Variants in KCNH8 observed in about 807,000 individuals in gnomAD.
The protein encoded by KCNH8 is potassium voltage-gated channel subfamily H member 8.
KCNH8 carries 70 observed loss-of-function variants against 103.6 expected under a neutral mutation model. That is an observed-to-expected ratio of 0.68 (90% CI 0.56 to 0.82). The LOEUF (loss-of-function observed/expected upper bound fraction) is 0.82, where lower values mean the gene tolerates loss of function less well. Ranked by LOEUF, KCNH8 falls within the 40% of genes least tolerant of loss-of-function variation. The probability of loss-of-function intolerance (pLI) is 0.00; values close to 1 mark genes in which losing one functional copy is unlikely to be tolerated. For missense variants in KCNH8, 1,217 were observed against 1,329.9 expected (o/e 0.92, Z 1.32); for synonymous variants, 498 against 489.4 (o/e 1.02, Z -0.23).
chr3:19,156,413 G>A (rs889977496), intron 1 of KCNH8, among the ~76,000 whole-genome samples: 16 of 152,148 alleles, frequency 1.1e-4, no homozygotes, highest in African/African-American at 3.9e-4. Context: ...ATCGTTTCTA[G>A]TTTCTAGCTC....
rs547292546 is a variant in KCNH8 at position 19,218,648 on chromosome 3, T to C, written c.77-35006T>C. On this transcript the variant is annotated intron_variant, in intron 1 of 15. Coordinates refer to ENST00000328405, the MANE Select transcript of KCNH8 (RefSeq NM_144633.3). ...TACTTTGCTATGGCTGCTGGAACAATGTACCACAAACTTAAATGGTTTAAA... is the reference window on the plus strand; with the variant it reads ...TACTTTGCTATGGCTGCTGGAACAACGTACCACAAACTTAAATGGTTTAAA... Among the ~76,000 whole-genome samples, 6 of 152,342 alleles carry C rather than the reference T, an allele frequency of 3.9e-5. No individual in the cohort carries two copies. The South Asian group carries it at 1.2e-3, about 32-fold the overall frequency.
At chr3:19,217,897 C>T (rs558641129) in intron 1 of KCNH8, among the ~76,000 whole-genome samples, 34 of 152,254 alleles carry the variant, frequency 2.2e-4, no homozygotes, top group African/African-American at 7.5e-4. Flanking sequence ...CTGTAAATTT[C>T]CCTTTTGCAT....
intron 3 of KCNH8, among the ~76,000 whole-genome samples, chr3:19,293,685 C>A (rs1312006770): frequency 6.6e-6 from 1 of 152,206 alleles, no homozygotes; most frequent in Non-Finnish European, 1.5e-5. Context: ...GCATGTATGC[C>A]TATCTGAAAC....
intron 7 of KCNH8, among the ~76,000 whole-genome samples, chr3:19,435,306 C>T (rs912021088): frequency 2.0e-5 from 3 of 152,254 alleles, no homozygotes; most frequent in African/African-American, 7.2e-5. Flanking sequence ...GAACAAGTTA[C>T]TTAATGTCCC....
chr3:19,295,180 G>A (rs992615240), intron 3 of KCNH8, among the ~76,000 whole-genome samples: 1 of 151,910 alleles, frequency 6.6e-6, no homozygotes, highest in African/African-American at 2.4e-5. Context: ...TTGAGCCTAG[G>A]ATTAGCCTGG....
At chr3:19,149,075 G>T (rs2125176483) in intron 1 of KCNH8, among the ~76,000 whole-genome samples, 1 of 152,212 alleles carries the variant, frequency 6.6e-6, no homozygotes, top group Middle Eastern at 3.4e-3. Flanking sequence ...TGTGGGACCT[G>T]CATTTTGGTG....
chr3:19,492,830 C>CGTGT lies in KCNH8; in HGVS notation c.2041-17481_2041-17478dup, dbSNP rs67383228. On this transcript the variant is annotated intron_variant, in intron 11 of 15. Coordinates refer to ENST00000328405, the MANE Select transcript of KCNH8 (RefSeq NM_144633.3). ...AGTCCTTGAGCATGGAATGTTTTTT[C>CGTGT]GTGTGTGTGTGTGTGTGTGTGTGTG... Among the ~76,000 whole-genome samples, 114 of 123,508 alleles carry CGTGT rather than the reference C, an allele frequency of 9.2e-4. 1 individual carries two copies. The highest frequency in any genetic ancestry group is 2.1e-3 in the South Asian group (7 of 3,294). The allele number at this position is 123,508 out of a possible 152,430, so 81.0% of individuals were successfully genotyped here. A position where few individuals can be genotyped will look rare whatever the true frequency, so the allele number is the denominator to read the frequency against.
chr3:19,505,978 T>G (rs533810573), intron 11 of KCNH8, among the ~76,000 whole-genome samples: 1 of 152,326 alleles, frequency 6.6e-6, no homozygotes, highest in South Asian at 2.1e-4. Context: ...TGAGGTTGCA[T>G]TGTAAAATTC....
chr3:19,279,396 A>C (rs1210016439), intron 2 of KCNH8, among the ~76,000 whole-genome samples: 1 of 152,046 alleles, frequency 6.6e-6, no homozygotes, highest in Non-Finnish European at 1.5e-5. Context: ...TGTTACAATG[A>C]AGGGAACCAA....
intron 3 of KCNH8, among the ~76,000 whole-genome samples, chr3:19,316,480 T>C (rs145318891): frequency 1.7e-3 from 256 of 152,144 alleles, no homozygotes; most frequent in Non-Finnish European, 2.3e-3. Flanking sequence ...AATTGAATTT[T>C]GGTGTTGAAA....
At chr3:19,338,336 C>A (rs1427241313) in intron 3 of KCNH8, among the ~76,000 whole-genome samples, 2 of 151,994 alleles carry the variant, frequency 1.3e-5, no homozygotes, top group Admixed American at 1.3e-4. Context: ...ATCTTATTAA[C>A]AACTATTGAT....
intron 7 of KCNH8, among the ~76,000 whole-genome samples, chr3:19,436,878 G>T (rs1393425812): frequency 6.6e-6 from 1 of 152,064 alleles, no homozygotes; most frequent in Admixed American, 6.6e-5. Flanking sequence ...ATAAATTCTT[G>T]GTTCGGACCC....
At chr3:19,267,786 A>G (rs933697400) in intron 2 of KCNH8, among the ~76,000 whole-genome samples, 1 of 152,172 alleles carries the variant, frequency 6.6e-6, no homozygotes, top group East Asian at 1.9e-4. Context: ...GTCTACATTC[A>G]TATCTACCAG....
At chr3:19,398,885 A>G (rs1172230976) in intron 7 of KCNH8, among the ~76,000 whole-genome samples, 2 of 152,040 alleles carry the variant, frequency 1.3e-5, no homozygotes, top group Non-Finnish European at 2.9e-5. Flanking sequence ...TACGAAAGTT[A>G]CTAAGAAATA....
At chr3:19,251,102 AGCTGTGCC>A (rs1559443030) in intron 1 of KCNH8, among the ~76,000 whole-genome samples, 1 of 152,148 alleles carries the variant, frequency 6.6e-6, no homozygotes, top group Non-Finnish European at 1.5e-5. Flanking sequence ...AGTGACCCAA[AGCTGTGCC>A]GAGTTGATGA....
At chr3:19,204,851 C>G (rs2125220382) in intron 1 of KCNH8, among the ~76,000 whole-genome samples, 1 of 152,128 alleles carries the variant, frequency 6.6e-6, no homozygotes, top group East Asian at 1.9e-4. Flanking sequence ...TTAATGAACT[C>G]TAAATATTGA....
In KCNH8 at chr3:19,219,093, C is replaced by G. The variant is rs559469508; in HGVS notation, c.77-34561C>G. On this transcript the variant is annotated intron_variant, in intron 1 of 15. Transcript: ENST00000328405. The stretch of plus-strand genomic sequence containing the variant: ...CACTGTGGGGCAGCCATACTACCCT[C>G]TTTGAGGTTTTTTGAGTACTTGAAT... 1.3e-3 allele frequency among the ~76,000 whole-genome samples: 198 copies of G among 152,264 alleles called. 1 individual carries two copies. The highest frequency in any genetic ancestry group is 3.5e-4 in the Non-Finnish European group (24 of 68,010).
At chr3:19,326,356 A>AATATAGATATATATATATATATATAT (rs2065423340) in intron 3 of KCNH8, among the ~76,000 whole-genome samples, 1 of 135,766 alleles carries the variant, frequency 7.4e-6, no homozygotes, top group African/African-American at 2.8e-5. Flanking sequence ...ATGAAAGTTA[A>AATATAGATATATATATATATATATAT]ATATATATAT....
At chr3:19,491,341 C>A (rs1029796047) in intron 11 of KCNH8, among the ~76,000 whole-genome samples, 2 of 152,204 alleles carry the variant, frequency 1.3e-5, no homozygotes, top group Non-Finnish European at 2.9e-5. Context: ...CCCGCTCTCT[C>A]TAGCAGTCCC....
Sources: gnomAD v4.1 joint callset for allele counts (sites outside exome capture counted in the v4.1 genomes callset) on GRCh38, gnomAD v4.1.1 for gene constraint, MANE v1.5 for transcripts, NCBI Gene and HGNC (gene_info 2026-07-23, HGNC 2026-07-21) for gene names.